Variants in GGA2 observed in about 807,000 individuals in gnomAD.
The protein encoded by GGA2 is ADP-ribosylation factor-binding protein GGA2.
A neutral mutation model predicts 79.5 loss-of-function variants in GGA2; 48 were observed. The ratio of observed to expected loss-of-function variants is 0.60; its 90% CI spans 0.48 to 0.77. GGA2 has a LOEUF of 0.77. Ranked by LOEUF, GGA2 falls within the 30% of genes least tolerant of loss-of-function variation. The pLI is 0.00. For missense variants in GGA2, 770 were observed against 774.0 expected (o/e 0.99, Z 0.06); for synonymous variants, 317 against 302.0 (o/e 1.05, Z -0.51).
At chr16:23,507,317 T>C (rs538955440) in intron 1 of GGA2, among the ~76,000 whole-genome samples, 4 of 152,130 alleles carry the variant, frequency 2.6e-5, no homozygotes, top group Non-Finnish European at 2.9e-5. Flanking sequence ...ACAATGTATA[T>C]GCCATGAAAA....
At chr16:23,507,120 G>A (rs188989025) in intron 1 of GGA2, among the ~76,000 whole-genome samples, 1 of 152,192 alleles carries the variant, frequency 6.6e-6, no homozygotes, top group Admixed American at 6.5e-5. Flanking sequence ...AAACAGCTGA[G>A]GAGGCCACTG....
At chr16:23,518,641 G>A (rs1965117075) in intron 2 of GGA2, among the ~76,000 whole-genome samples, 1 of 152,164 alleles carries the variant, frequency 6.6e-6, no homozygotes, top group South Asian at 2.1e-4. Flanking sequence ...GCAACAGACT[G>A]GACTGCTAAT....
chr16:23,495,540 T>C (rs1447145305), intron 2 of GGA2, 154 bp downstream of exon 2: 2 of 437,348 alleles, frequency 4.6e-6, no homozygotes, highest in Non-Finnish European at 8.2e-6. Flanking sequence ...CAAGCAATCC[T>C]CCTGCCTTGG....
upstream of GGA2, among the ~76,000 whole-genome samples, chr16:23,513,783 CAA>C (rs754377361): frequency 4.9e-4 from 23 of 47,108 alleles, no homozygotes; most frequent in African/African-American, 7.3e-4. Flanking sequence ...GACTCTGTCT[CAA>C]AAAAAAAAAA....
intron 1 of GGA2, among the ~76,000 whole-genome samples, chr16:23,504,343 G>A (rs570702525): frequency 3.9e-5 from 6 of 152,266 alleles, no homozygotes; most frequent in South Asian, 4.1e-4. Flanking sequence ...CTTGATCTTC[G>A]TGCTCATAAA....
At chr16:23,524,326 TCA>T, upstream of GGA2, 3 of 1,557,822 alleles carry the variant, frequency 1.9e-6, no homozygotes, top group African/African-American at 4.1e-5. Context: ...GTTTCTAAGC[TCA>T]CAGGTTCTTA....
At chr16:23,480,387 T>G in intron 10 of GGA2, 1 of 416,524 alleles carries the variant, frequency 2.4e-6, no homozygotes, top group Non-Finnish European at 4.4e-6. Flanking sequence ...ATGCAAGCAT[T>G]TATGAGAATT....
At chr16:23,477,457 C>T (rs1295553339) in intron 13 of GGA2, among the ~76,000 whole-genome samples, 1 of 152,132 alleles carries the variant, frequency 6.6e-6, no homozygotes, top group African/African-American at 2.4e-5. Flanking sequence ...TAAGACACGC[C>T]TTTTGGCTGA....
At chr16:23,470,736 GAGAC>G (rs1964499276) in intron 14 of GGA2, among the ~76,000 whole-genome samples, 1 of 133,046 alleles carries the variant, frequency 7.5e-6, no homozygotes, top group Non-Finnish European at 1.6e-5. Context: ...GTGACAGAGC[GAGAC>G]TCTGTCTCAA....
intron 1 of GGA2, among the ~76,000 whole-genome samples, chr16:23,502,319 A>C (rs1044529302): frequency 6.6e-6 from 1 of 152,230 alleles, no homozygotes; most frequent in African/African-American, 2.4e-5. Context: ...AAATCAGTTC[A>C]TCTTACCCCA....
rs958056147 is a variant in GGA2, at chr16:23,466,092, T to G, written c.*1498A>C. ...CTTAAAATTAGCATACTTGATCTTT[T>G]ACAGTTCCCATCTCCACCAATTAGT... On this transcript the variant is annotated 3_prime_UTR_variant, in exon 17 of 17. Transcript: ENST00000309859. The G allele has an allele frequency of 9.8e-5, 15 of 152,394 alleles. No homozygotes were observed. The highest frequency in any genetic ancestry group is 6.8e-3 in the Middle Eastern group (2 of 294). 9.4% of individuals were successfully genotyped at this position (152,394 alleles called of 1,614,324 possible).
intron 9 of GGA2, among the ~76,000 whole-genome samples, chr16:23,481,810 C>A (rs1350670977): frequency 6.6e-6 from 1 of 152,116 alleles, no homozygotes; most frequent in Non-Finnish European, 1.5e-5. Context: ...AGAGGGCATG[C>A]ACATGCTATC....
rs1180944900 is a variant in GGA2 at position 23,467,405 on chromosome 16, C to CACACACACACAA, written c.*184_*185insTTGTGTGTGTGT. 3.5e-6 allele frequency: 2 copies of CACACACACACAA among 568,164 alleles called. No individual in the cohort carries two copies. The highest frequency in any genetic ancestry group is 5.6e-5 in the Admixed American group (2 of 35,608). 35.2% of individuals were successfully genotyped at this position (568,164 alleles called of 1,614,324 possible). A position where few individuals can be genotyped will look rare whatever the true frequency, so the allele number is the denominator to read the frequency against. On this transcript the variant is annotated 3_prime_UTR_variant, in exon 17 of 17. Transcript: ENST00000309859. ...CTCCCCGAACACACACACACACACA[C>CACACACACACAA]ACACACACACACACACACACACACA...
intron 8 of GGA2, among the ~76,000 whole-genome samples, chr16:23,485,421 G>C (rs1964699260): frequency 6.6e-6 from 1 of 152,162 alleles, no homozygotes; most frequent in Admixed American, 6.5e-5. Context: ...CTGCTGTTAG[G>C]ACTGTAAAAT....
chr16:23,506,806 G>A (rs573544577), intron 1 of GGA2, among the ~76,000 whole-genome samples: 1 of 152,164 alleles, frequency 6.6e-6, no homozygotes, highest in Non-Finnish European at 1.5e-5. Flanking sequence ...TGGCACTGAC[G>A]AACTTGTTTG....
chr16:23,468,790 G>A (rs1466591192), intron 16 of GGA2, 96 bp downstream of exon 16: 4 of 719,846 alleles, frequency 5.6e-6, no homozygotes, highest in South Asian at 4.5e-5. Flanking sequence ...AGACTTTAGA[G>A]CAAGGCCTCA....
intron 1 of GGA2, chr16:23,521,776 T>C (rs1322038414): frequency 4.4e-6 from 2 of 455,962 alleles, no homozygotes; most frequent in Non-Finnish European, 8.8e-6. Context: ...ACCACTCACT[T>C]TGTTAAAAAC....
At chr16:23,484,405 G>A (rs1315315848) in intron 8 of GGA2, among the ~76,000 whole-genome samples, 4 of 152,092 alleles carry the variant, frequency 2.6e-5, no homozygotes, top group South Asian at 2.1e-4. Flanking sequence ...GCGACAGAGC[G>A]AGACCTTGTC....
chr16:23,501,800 C>G (rs1477526018), intron 1 of GGA2, among the ~76,000 whole-genome samples: 1 of 152,212 alleles, frequency 6.6e-6, no homozygotes, highest in Non-Finnish European at 1.5e-5. Flanking sequence ...GAGGAAACAT[C>G]TTCAAGTTAG....
Sources: allele counts gnomAD v4.1 joint callset (sites outside exome capture counted in the v4.1 genomes callset), GRCh38; gene constraint gnomAD v4.1.1; transcripts MANE v1.5; gene names NCBI Gene and HGNC (gene_info 2026-07-23, HGNC 2026-07-21).